The following CCDC171 variants were observed in gnomAD, a reference collection of about 807,000 sequenced individuals.
CCDC171 encodes the protein coiled-coil domain containing 171, also known as coiled-coil domain-containing protein 171.
Under a neutral mutation model 168.2 loss-of-function variants are expected in CCDC171, and 177 were observed. The ratio of observed to expected loss-of-function variants is 1.05; its 90% confidence interval spans 0.93 to 1.19. The LOEUF is 1.19. Ranked by LOEUF, CCDC171 falls within the 50% of genes most tolerant of loss-of-function variation. The pLI is 0.00. For missense variants in CCDC171, 1,991 were observed against 1,539.0 expected (o/e 1.29, Z -4.91); for synonymous variants, 687 against 540.8 (o/e 1.27, Z -3.75).
chr9:15,849,013 C>A, intron 23 of CCDC171, 66 bp downstream of exon 23: 3 of 739,870 alleles, frequency 4.1e-6, no homozygotes, highest in Non-Finnish European at 6.5e-6. Flanking sequence ...TTTTTATTAG[C>A]CACAAAGTAC....
intron 23 of CCDC171, among the ~76,000 whole-genome samples, chr9:15,855,942 A>C (rs1357636897): frequency 6.6e-6 from 1 of 151,968 alleles, no homozygotes; most frequent in African/African-American, 2.4e-5. Context: ...GAAGAAAAAG[A>C]GGAGTTACAA....
downstream of CCDC171, among the ~76,000 whole-genome samples, chr9:15,976,280 G>C (rs1831617573): frequency 6.6e-6 from 1 of 152,132 alleles, no homozygotes; most frequent in South Asian, 2.1e-4. Context: ...TTAGCAAACA[G>C]AGAAAATGTT....
intron 7 of CCDC171, 62 bp downstream of exon 7, chr9:15,623,475 G>GTGCGCGCGCGCGCACACACACACA (rs1554714958): frequency 3.4e-6 from 1 of 293,710 alleles, no homozygotes; most frequent in Admixed American, 5.3e-5. Flanking sequence ...GCGCGCGCGC[G>GTGCGCGCGCGCGCACACACACACA]CACACACACA....
At chr9:15,628,677 C>T (rs1043344124) in intron 7 of CCDC171, among the ~76,000 whole-genome samples, 13 of 152,072 alleles carry the variant, frequency 8.5e-5, no homozygotes, top group East Asian at 3.9e-4. Context: ...AAGAGAGCAG[C>T]GGTTCTCCCA....
chr9:16,036,630 C>A (rs781411546), intron 8 of CCDC171, among the ~76,000 whole-genome samples: 3 of 152,158 alleles, frequency 2.0e-5, no homozygotes, highest in African/African-American at 7.2e-5. Context: ...GGCCACAGAG[C>A]GAGACTCCGT....
intron 7 of CCDC171, among the ~76,000 whole-genome samples, chr9:15,649,804 C>A (rs867480131): frequency 6.6e-6 from 1 of 152,206 alleles, no homozygotes; most frequent in East Asian, 1.9e-4. Flanking sequence ...GTTGGAAGGA[C>A]TGTAAACTAA....
intron 22 of CCDC171, 47 bp downstream of exon 22, chr9:15,846,894 C>G: frequency 6.5e-7 from 1 of 1,528,806 alleles, no homozygotes. Context: ...GACAAAAGAT[C>G]AATTCTTACT....
At position 15,999,281 on chromosome 9, in the gene CCDC171, AGGAG is replaced by A. The variant is rs142697283; in HGVS notation, n.369-21296_369-21293del. Among the ~76,000 whole-genome samples, 1,045 of 147,940 alleles carry A rather than the reference AGGAG, an allele frequency of 7.1e-3. 9 individuals are homozygous for A. The highest frequency in any genetic ancestry group is 0.024 in the African/African-American group (982 of 40,772). On this transcript the variant is annotated intron_variant and non_coding_transcript_variant, in intron 3 of 9. Coordinates refer to the CCDC171 transcript ENST00000486641. ...GAGAGAAAGAGAAAGAAAGAAAGAA[AGGAG>A]GGAGGGAGGGAAGGAAGGAAGGAAA...
At chr9:15,801,127 T>C (rs2058801995) in intron 21 of CCDC171, among the ~76,000 whole-genome samples, 1 of 151,994 alleles carries the variant, frequency 6.6e-6, no homozygotes, top group Non-Finnish European at 1.5e-5. Flanking sequence ...TTTTAGGATT[T>C]TTTTTTTCTA....
intron 7 of CCDC171, 84 bp downstream of exon 7, chr9:15,623,497 A>G (rs910975444): frequency 1.2e-5 from 8 of 664,834 alleles, no homozygotes; most frequent in South Asian, 3.3e-5. Flanking sequence ...ACACACACAC[A>G]CACACACACA....
chr9:15,859,765 T>C (rs2061486146), intron 23 of CCDC171, among the ~76,000 whole-genome samples: 2 of 151,756 alleles, frequency 1.3e-5, no homozygotes, highest in African/African-American at 4.8e-5. Flanking sequence ...GCTCAAGAGA[T>C]CCTCCTACCT....
chr9:15,557,749 C>T (rs1444464811), intron 1 of CCDC171, among the ~76,000 whole-genome samples: 1 of 152,066 alleles, frequency 6.6e-6, no homozygotes, highest in Non-Finnish European at 1.5e-5. Flanking sequence ...TGCCTGATTG[C>T]CCTGGCCAGA....
chr9:15,961,811 G>A (rs1431108339), intron 25 of CCDC171, among the ~76,000 whole-genome samples: 6 of 151,906 alleles, frequency 3.9e-5, no homozygotes, highest in Non-Finnish European at 7.4e-5. Context: ...AGGTAATTTG[G>A]AAAATACAAA....
intron 18 of CCDC171, among the ~76,000 whole-genome samples, chr9:15,753,440 T>C (rs1258266274): frequency 6.6e-6 from 1 of 152,190 alleles, no homozygotes; most frequent in East Asian, 1.9e-4. Flanking sequence ...TATTTTCCAT[T>C]ATTCATATCG....
chr9:15,691,714 G>T (rs10122339), intron 10 of CCDC171, among the ~76,000 whole-genome samples: 69,414 of 151,486 alleles, frequency 0.46, 16,197 homozygotes, highest in Non-Finnish European at 0.51. Flanking sequence ...GTCTTGCTCT[G>T]TCGCCCAGGC....
chr9:15,694,026 A>G (rs1416338553), intron 10 of CCDC171, among the ~76,000 whole-genome samples: 1 of 152,122 alleles, frequency 6.6e-6, no homozygotes. Context: ...ATGACTTCCA[A>G]ACCCAGGAGA....
chr9:15,881,486 A>G (rs1199087427), intron 24 of CCDC171, among the ~76,000 whole-genome samples: 1 of 152,216 alleles, frequency 6.6e-6, no homozygotes, highest in Non-Finnish European at 1.5e-5. Context: ...TATTAGAACC[A>G]TTCAAATTCT....
intron 9 of CCDC171, among the ~76,000 whole-genome samples, chr9:15,677,912 ATATATATATAT>A (rs1564193816): frequency 3.6e-5 from 1 of 28,152 alleles, no homozygotes; most frequent in African/African-American, 1.7e-4. Flanking sequence ...ATATATATAT[ATATATATATAT>A]ATAAGAGATG....
chr9:16,085,264 T>C, the CCDC171 span, among the ~76,000 whole-genome samples: 71,797 of 152,148 alleles, frequency 0.47, 19,226 homozygotes, highest in African/African-American at 0.74. Flanking sequence ...AGAAGCTACA[T>C]GAAGTATTAT....
Sources: allele counts gnomAD v4.1 joint callset (sites outside exome capture counted in the v4.1 genomes callset), GRCh38; gene constraint gnomAD v4.1.1; transcripts MANE v1.5; gene names NCBI Gene and HGNC (gene_info 2026-07-23, HGNC 2026-07-21).